RNF220: variants seen among roughly 807,000 people sequenced by gnomAD.
RNF220 encodes ring finger protein 220.
In RNF220, 7 loss-of-function variants were observed where a neutral mutation model predicts 67.1. That is an observed-to-expected ratio of 0.10 (90% confidence interval 0.06 to 0.20). RNF220 has a LOEUF of 0.20. Among genes scored for constraint, RNF220 ranks in the 10% least tolerant of loss-of-function variants. The probability of loss-of-function intolerance (pLI) is 1.00; values close to 1 mark genes in which losing one functional copy is unlikely to be tolerated. For synonymous variants in RNF220, 270 were observed against 283.2 expected, an observed-to-expected ratio of 0.95 and a Z score of 0.47; for missense variants, 565 against 740.3, an observed-to-expected ratio of 0.76 and a Z score of 2.75.
intron 6 of RNF220, among the ~76,000 whole-genome samples, chr1:44,633,583 A>G (rs1214883387): frequency 6.6e-6 from 1 of 152,224 alleles, no homozygotes; most frequent in East Asian, 1.9e-4. Context: ...GGTGCTTTCC[A>G]GGGACAACAA....
At chr1:44,405,042 C>G (rs1036971175), upstream of RNF220, among the ~76,000 whole-genome samples, 2 of 152,086 alleles carry the variant, frequency 1.3e-5, no homozygotes, top group African/African-American at 2.4e-5. Flanking sequence ...CAATGGCTCG[C>G]GACCCCAAGA....
intron 2 of RNF220, among the ~76,000 whole-genome samples, chr1:44,591,265 T>G (rs1170183610): frequency 6.6e-6 from 1 of 152,300 alleles, no homozygotes; most frequent in East Asian, 1.9e-4. Flanking sequence ...GAACAACATG[T>G]TTAAAGACCC....
intron 8 of RNF220, among the ~76,000 whole-genome samples, chr1:44,637,857 G>C (rs1157633734): frequency 6.6e-6 from 1 of 152,250 alleles, no homozygotes; most frequent in African/African-American, 2.4e-5. Flanking sequence ...GAGGGAACAG[G>C]GGCCGGAGGT....
At chr1:44,410,160 T>G (rs1159034789) in intron 1 of RNF220, among the ~76,000 whole-genome samples, 2 of 151,512 alleles carry the variant, frequency 1.3e-5, no homozygotes. Flanking sequence ...GGTCGTATTT[T>G]GAGGGGGAAA....
intron 2 of RNF220, among the ~76,000 whole-genome samples, chr1:44,597,803 C>A (rs1384580088): frequency 6.6e-6 from 1 of 152,152 alleles, no homozygotes; most frequent in Non-Finnish European, 1.5e-5. Flanking sequence ...ACATGGACCT[C>A]TTTCTCTCAT....
chr1:44,436,977 T>TA (rs1651039559), intron 2 of RNF220, among the ~76,000 whole-genome samples: 1 of 152,200 alleles, frequency 6.6e-6, no homozygotes, highest in Non-Finnish European at 1.5e-5. Context: ...AGGCAACACT[T>TA]ATGTCCCCCA....
At chr1:44,495,441 CTTAAA>C (rs1364863623) in intron 2 of RNF220, among the ~76,000 whole-genome samples, 1 of 152,186 alleles carries the variant, frequency 6.6e-6, no homozygotes, top group East Asian at 1.9e-4. Context: ...ATACAGACAA[CTTAAA>C]AAGTAGTTAC....
At chr1:44,634,203 C>T (rs889884713) in intron 6 of RNF220, among the ~76,000 whole-genome samples, 2 of 152,174 alleles carry the variant, frequency 1.3e-5, no homozygotes, top group East Asian at 1.9e-4. Context: ...TGATGCTGCT[C>T]AGTTAGGAGG....
chr1:44,487,994 G>A (rs1278510991), intron 2 of RNF220, among the ~76,000 whole-genome samples: 1 of 150,026 alleles, frequency 6.7e-6, no homozygotes. Context: ...TTTTGAGACA[G>A]AGTCTTGCCC....
chr1:44,482,391 G>A (rs1296187522), intron 2 of RNF220, among the ~76,000 whole-genome samples: 1 of 152,108 alleles, frequency 6.6e-6, no homozygotes, highest in Non-Finnish European at 1.5e-5. Flanking sequence ...TGAAGGAAGT[G>A]GGGAGAGAAG....
intron 2 of RNF220, among the ~76,000 whole-genome samples, chr1:44,451,999 G>A (rs1434873969): frequency 1.3e-5 from 2 of 152,228 alleles, no homozygotes; most frequent in Non-Finnish European, 2.9e-5. Flanking sequence ...CCCCTTAGAA[G>A]ACGTTATATG....
At chr1:44,452,859 A>G (rs963936720) in intron 2 of RNF220, among the ~76,000 whole-genome samples, 5 of 152,202 alleles carry the variant, frequency 3.3e-5, no homozygotes, top group South Asian at 2.1e-4. Context: ...ATCTTCTCCC[A>G]GGTGAACTTT....
In RNF220 at chr1:44,405,391, TGCTGCCGCTGCCGCCGCCGCCGCCGCC is replaced by T. The variant is rs1647241635; in HGVS notation, c.-250_-224del. 1.6e-6 allele frequency: 1 copy of T among 630,016 alleles called. No individual in the cohort carries two copies. Among genetic ancestry groups the T allele is most frequent in the Admixed American group, 2.4e-5 (1 of 41,670 alleles). 39.0% of individuals were successfully genotyped at this position (630,016 alleles called of 1,614,324 possible). ...GCCAGCCGCCTACTGCTGCTGCTGC[TGCTGCCGCTGCCGCCGCCGCCGCCGCC>T]GCTGCCTCCGCCGGCTCTGCGAACC... On this transcript the variant is annotated 5_prime_UTR_variant, in exon 1 of 15. Coordinates refer to ENST00000361799, the MANE Select transcript of RNF220 (RefSeq NM_018150.4).
At chr1:44,610,692 G>A (rs912620350) in intron 2 of RNF220, among the ~76,000 whole-genome samples, 6 of 152,190 alleles carry the variant, frequency 3.9e-5, no homozygotes, top group African/African-American at 4.8e-5. Context: ...TGGTGCTGCC[G>A]GCAGTATTGG....
chr1:44,435,045 C>T lies in RNF220; in HGVS notation c.625+22323C>T, dbSNP rs79752961. Among the ~76,000 whole-genome samples the T allele has an allele frequency of 3.5e-3, 498 of 143,326 alleles. 4 individuals are homozygous for T. Among genetic ancestry groups the T allele is most frequent in the African/African-American group, 0.012 (480 of 39,788 alleles). 94.0% of individuals were successfully genotyped at this position (143,326 alleles called of 152,430 possible). A position where few individuals can be genotyped will look rare whatever the true frequency, so the allele number is the denominator to read the frequency against. On this transcript the variant is annotated intron_variant, in intron 2 of 14. Transcript: ENST00000361799. ...CTGTCTCTTAAAAAAAAAAAAAAGACGAGGAAGGAATAATGTCTTAAAGTT... is the reference window on the plus strand; with the variant it reads ...CTGTCTCTTAAAAAAAAAAAAAAGATGAGGAAGGAATAATGTCTTAAAGTT...
At chr1:44,502,193 C>T (rs1028411001) in intron 2 of RNF220, among the ~76,000 whole-genome samples, 1 of 151,738 alleles carries the variant, frequency 6.6e-6, no homozygotes, top group East Asian at 1.9e-4. Flanking sequence ...CATACACGCT[C>T]ACACACACAC....
intron 2 of RNF220, chr1:44,423,886 A>C (rs1649476459): frequency 1.0e-6 from 1 of 985,338 alleles, no homozygotes; most frequent in Admixed American, 6.1e-5. Context: ...AAGGAAAAAA[A>C]GAAAGCGAAG....
intron 2 of RNF220, among the ~76,000 whole-genome samples, chr1:44,548,158 T>C (rs1203767504): frequency 1.3e-5 from 2 of 152,146 alleles, no homozygotes; most frequent in Admixed American, 1.3e-4. Flanking sequence ...CTTATATATG[T>C]CCCCTTATCT....
chr1:44,616,380 C>T (rs557818895), intron 3 of RNF220, among the ~76,000 whole-genome samples: 42 of 152,250 alleles, frequency 2.8e-4, no homozygotes, highest in African/African-American at 9.4e-4. Flanking sequence ...CACTATGTGC[C>T]GAGTACTTTA....
Sources: gnomAD v4.1 joint callset for allele counts (sites outside exome capture counted in the v4.1 genomes callset) on GRCh38, gnomAD v4.1.1 for gene constraint, MANE v1.5 for transcripts, NCBI Gene and HGNC (gene_info 2026-07-23, HGNC 2026-07-21) for gene names.